The following ZBTB10 variants were observed in gnomAD, a reference collection of about 807,000 sequenced individuals.
The protein encoded by ZBTB10 is zinc finger and BTB domain-containing protein 10.
A neutral mutation model predicts 76.4 loss-of-function variants in ZBTB10; 32 were observed. The ratio of observed to expected loss-of-function variants is 0.42; its 90% CI spans 0.32 to 0.56. The LOEUF (loss-of-function observed/expected upper bound fraction) is 0.56, where lower values mean the gene tolerates loss of function less well. Among genes scored for constraint, ZBTB10 ranks in the 20% least tolerant of loss-of-function variants. The pLI is 0.14. For synonymous variants in ZBTB10, 523 were observed against 432.9 expected, an observed-to-expected ratio of 1.21 and a Z score of -2.58; for missense variants, 1,057 against 1,098.5, an observed-to-expected ratio of 0.96 and a Z score of 0.53.
intron 2 of ZBTB10, among the ~76,000 whole-genome samples, chr8:80,505,754 A>G (rs1339379096): frequency 6.6e-6 from 1 of 152,116 alleles, no homozygotes; most frequent in Non-Finnish European, 1.5e-5. Flanking sequence ...TATTTGAGGC[A>G]GAGTCTTGCT....
At position 80,519,441 on chromosome 8, in the gene ZBTB10, T is replaced by C; in HGVS notation, c.2529T>C (p.Asp843=). The C allele has an allele frequency of 6.2e-7, 1 of 1,612,644 alleles. No homozygotes were observed. The highest frequency in any genetic ancestry group is 8.5e-7 in the Non-Finnish European group (1 of 1,179,414). The change falls in exon 6 of 6, where the codon GAT becomes GAC. Residue 843 remains aspartate (D), a synonymous_variant. Transcript: ENST00000455036. ...EYEENEVGEA[D]EELVDDGEDQ... ...AGGAGAATGAAGTAGGAGAAGCTGA[T>C]GAAGAGCTAGTTGATGATGGAGAAG...
At chr8:80,514,111 T>C in intron 3 of ZBTB10, 103 bp downstream of exon 3, 1 of 968,250 alleles carries the variant, frequency 1.0e-6, no homozygotes, top group Non-Finnish European at 1.6e-6. Context: ...GGTTCTATTG[T>C]ATATAACTAC....
intron 1 of ZBTB10, among the ~76,000 whole-genome samples, chr8:80,494,858 G>A (rs965468101): frequency 6.6e-6 from 1 of 150,938 alleles, no homozygotes; most frequent in Admixed American, 6.6e-5. Context: ...CCAGGAGGTT[G>A]AGGGTACAAT....
Position 80,500,017 on chromosome 8 carries a change from C to G in ZBTB10, c.1496C>G (p.Ala499Gly). The change falls in exon 2 of 6, where the codon GCC becomes GGC. Residue 499 changes from alanine to glycine, a missense_variant. Physicochemically the swap from Ala to Gly is moderately conservative, Grantham distance 60. This residue lies in a region of ZBTB10 where 306 missense variants were observed against 297.5 expected (regional missense o/e 1.03). Transcript: ENST00000455036. ...TCTTCATCACGGGATCAAAAAATTG[C>G]CAGTTTTTGGGCAACACGGAATCTT... is the stretch of plus-strand genomic sequence containing the variant. Reference protein sequence around the residue: ...GLSSSRDQKIASFWATRNLTN... With the variant: ...GLSSSRDQKIGSFWATRNLTN... The G allele has an allele frequency of 6.2e-7, 1 of 1,613,860 alleles. No homozygotes were observed. The highest frequency in any genetic ancestry group is 8.5e-7 in the Non-Finnish European group (1 of 1,179,862).
intron 2 of ZBTB10, among the ~76,000 whole-genome samples, chr8:80,507,483 C>T (rs577670313): frequency 2.0e-4 from 30 of 151,906 alleles, no homozygotes; most frequent in Admixed American, 1.9e-3. Context: ...GGCATGGTGG[C>T]GGGCACATGT....
rs1244365270 is a variant in ZBTB10 at position 80,518,882 on chromosome 8, A to G, written c.2238A>G (p.Gly746=). Residue 746 remains glycine (G), a synonymous_variant, in exon 5 of 6, where the codon GGA becomes GGG. Transcript: ENST00000455036. ...TLKRHLLIHT[G]VRSFSCDICG... Reference sequence around the variant, plus strand: ...AAAGGCACTTGCTCATTCACACAGGAGTGAGATCATTTAGCTGTGATATTT... The same window carrying G: ...AAAGGCACTTGCTCATTCACACAGGGGTGAGATCATTTAGCTGTGATATTT... 1 of 1,611,502 alleles carries G rather than the reference A, an allele frequency of 6.2e-7. No individual in the cohort carries two copies. Among genetic ancestry groups the G allele is most frequent in the South Asian group, 1.1e-5 (1 of 90,562 alleles).
In ZBTB10 at chr8:80,524,762, GGA is replaced by G. The variant is rs1194735139; in HGVS notation, c.*5235_*5236del. ...ATATGTTTCTAAGGGGTCATGATTG[GGA>G]CCATTGGCTCAAGATTGAAAATCGG... is the stretch of plus-strand genomic sequence containing the variant. On this transcript the variant is annotated 3_prime_UTR_variant, in exon 6 of 6. Coordinates refer to ENST00000455036, the MANE Select transcript of ZBTB10 (RefSeq NM_001105539.3). The G allele has an allele frequency of 6.6e-6, 1 of 151,974 alleles. No individual in the cohort carries two copies. The highest frequency in any genetic ancestry group is 1.5e-5 in the Non-Finnish European group (1 of 67,942). The allele number at this position is 151,974 out of a possible 1,614,324, so 9.4% of individuals were successfully genotyped here.
intron 1 of ZBTB10, among the ~76,000 whole-genome samples, chr8:80,493,510 G>A (rs1033300040): frequency 2.0e-5 from 3 of 151,952 alleles, no homozygotes; most frequent in Non-Finnish European, 2.9e-5. Context: ...GAACTGGTTG[G>A]CAGGATGTTA....
intron 3 of ZBTB10, among the ~76,000 whole-genome samples, chr8:80,515,312 G>A (rs1816299672): frequency 6.6e-6 from 1 of 152,126 alleles, no homozygotes; most frequent in South Asian, 2.1e-4. Flanking sequence ...TATTAGCTTT[G>A]GAATTCTTTT....
rs1451132719 is a variant in ZBTB10, at chr8:80,499,723, C to G, written c.1202C>G (p.Pro401Arg). The G allele has an allele frequency of 1.2e-6, 2 of 1,613,928 alleles. No individual in the cohort carries two copies. The highest frequency in any genetic ancestry group is 4.5e-5 in the East Asian group (2 of 44,890). The change falls in exon 2 of 6, where the codon CCT (proline) becomes CGT (arginine). Residue 401 changes from proline (P) to arginine (R), a missense_variant. By Grantham distance (103) the Pro-to-Arg change is moderately radical. Around this residue, in one of 5 missense-constraint regions of ZBTB10, gnomAD observed 86 missense variants for 145.7 expected, o/e 0.59. Coordinates refer to ENST00000455036, the MANE Select transcript of ZBTB10 (RefSeq NM_001105539.3). ...TATTGCTTTTCAAACAAAGAAAGCC[C>G]TAACCAAAACAATACTACCCACTTA... ...TLYCFSNKES[P>R]NQNNTTHLDI...
In ZBTB10 at chr8:80,522,215, A is replaced by G. The variant is rs1816463051; in HGVS notation, c.*2687A>G. The stretch of plus-strand genomic sequence containing the variant: ...TTTTTCTGACTTACAGTAAAATTTC[A>G]GGAAGTTGATAGATACTAAGAACTT... On this transcript the variant is annotated 3_prime_UTR_variant, in exon 6 of 6. Coordinates refer to ENST00000455036, the MANE Select transcript of ZBTB10 (RefSeq NM_001105539.3). 1.3e-5 allele frequency: 2 copies of G among 151,918 alleles called. No homozygotes were observed. The highest frequency in any genetic ancestry group is 4.1e-4 in the South Asian group (2 of 4,830). The allele number at this position is 151,918 out of a possible 1,614,324, so 9.4% of individuals were successfully genotyped here. A position where few individuals can be genotyped will look rare whatever the true frequency, so the allele number is the denominator to read the frequency against.
At chr8:80,512,100 A>G (rs886674761) in intron 2 of ZBTB10, among the ~76,000 whole-genome samples, 1 of 152,062 alleles carries the variant, frequency 6.6e-6, no homozygotes, top group Non-Finnish European at 1.5e-5. Context: ...CATTTACCAC[A>G]TTTAATGTGG....
At chr8:80,516,803 A>T (rs890271837) in intron 3 of ZBTB10, among the ~76,000 whole-genome samples, 1 of 152,158 alleles carries the variant, frequency 6.6e-6, no homozygotes, top group African/African-American at 2.4e-5. Flanking sequence ...AGTTATCTTA[A>T]TTTTTAAGAG....
chr8:80,496,048 T>C (rs1410464822), intron 1 of ZBTB10, among the ~76,000 whole-genome samples: 1 of 152,180 alleles, frequency 6.6e-6, no homozygotes, highest in Non-Finnish European at 1.5e-5. Context: ...AAAAGACCAG[T>C]TGTGGAAATA....
Position 80,522,662 on chromosome 8 carries a change from G to A in ZBTB10, c.*3134G>A, listed in dbSNP as rs1432423393. 1 of 151,960 alleles carries A rather than the reference G, an allele frequency of 6.6e-6. No homozygotes were observed. Among genetic ancestry groups the A allele is most frequent in the African/African-American group, 2.4e-5 (1 of 41,442 alleles). The allele number at this position is 151,960 out of a possible 1,614,324, so 9.4% of individuals were successfully genotyped here. ...GGTACAGCTATCCTAATGGAGAAGAGTGAGCTAAATGCGTTAATTCATGTA... is the reference window on the plus strand; with the variant it reads ...GGTACAGCTATCCTAATGGAGAAGAATGAGCTAAATGCGTTAATTCATGTA... On this transcript the variant is annotated 3_prime_UTR_variant, in exon 6 of 6. Transcript: ENST00000455036.
chr8:80,523,670 T>C lies in ZBTB10; in HGVS notation c.*4142T>C, dbSNP rs1816494449. The C allele has an allele frequency of 6.6e-6, 1 of 151,928 alleles. No individual in the cohort carries two copies. The highest frequency in any genetic ancestry group is 6.6e-5 in the Admixed American group (1 of 15,238). The allele number at this position is 151,928 out of a possible 1,614,324, so 9.4% of individuals were successfully genotyped here. ...GCTTTCAACTGAAGTTAAAGAATTC[T>C]AGATAGTTTAAAATGTGTTAGGGAT... On this transcript the variant is annotated 3_prime_UTR_variant, in exon 6 of 6. Transcript: ENST00000455036.
At chr8:80,509,422 G>T (rs1456979296) in intron 2 of ZBTB10, among the ~76,000 whole-genome samples, 1 of 152,064 alleles carries the variant, frequency 6.6e-6, no homozygotes, top group Non-Finnish European at 1.5e-5. Flanking sequence ...GGATTAGTCT[G>T]CACTTGCCTA....
intron 2 of ZBTB10, among the ~76,000 whole-genome samples, chr8:80,512,827 A>C (rs1248345946): frequency 6.6e-6 from 1 of 152,094 alleles, no homozygotes; most frequent in African/African-American, 2.4e-5. Flanking sequence ...TTTTTTCTTA[A>C]TTGATCATCA....
chr8:80,513,147 G>GT (rs556308223), intron 2 of ZBTB10, among the ~76,000 whole-genome samples: 2,584 of 150,264 alleles, frequency 0.017, 74 homozygotes, highest in African/African-American at 0.058. Flanking sequence ...GACAAAAACT[G>GT]TTTTTTCTTT....
Sources: gnomAD v4.1 joint callset for allele counts (sites outside exome capture counted in the v4.1 genomes callset) on GRCh38, gnomAD v4.1.1 for gene constraint, gnomAD v4.1.1 regional missense constraint, MANE v1.5 for transcripts, NCBI Gene and HGNC (gene_info 2026-07-23, HGNC 2026-07-21) for gene names.